The following SLC45A2 variants were observed in gnomAD, a reference collection of about 807,000 sequenced individuals.
SLC45A2 encodes the protein membrane-associated transporter protein.
A neutral mutation model predicts 45.5 loss-of-function variants in SLC45A2; 36 were observed. The observed-to-expected ratio is 0.79, with a 90% CI of 0.61 to 1.04. The LOEUF (loss-of-function observed/expected upper bound fraction) is 1.04, where lower values mean the gene tolerates loss of function less well. Among genes scored for constraint, SLC45A2 ranks in the 50% least tolerant of loss-of-function variants. The pLI is 0.00. For missense variants in SLC45A2, 719 were observed against 671.0 expected (o/e 1.07, Z -0.79); for synonymous variants, 306 against 269.3 (o/e 1.14, Z -1.33).
intron 6 of SLC45A2, among the ~76,000 whole-genome samples, chr5:33,945,523 G>T (rs1358430717): frequency 6.6e-6 from 1 of 150,522 alleles, no homozygotes; most frequent in South Asian, 2.1e-4. Context: ...GTTGGGTATC[G>T]CTTATGTGCT....
chr5:33,968,115 TG>T, intron 2 of SLC45A2, among the ~76,000 whole-genome samples: 1 of 152,210 alleles, frequency 6.6e-6, no homozygotes, highest in East Asian at 1.9e-4. Context: ...ATTAAGACAC[TG>T]GAAAAAAATA....
chr5:33,981,242 C>T (rs1220091610), intron 2 of SLC45A2, among the ~76,000 whole-genome samples: 1 of 152,224 alleles, frequency 6.6e-6, no homozygotes, highest in East Asian at 1.9e-4. Context: ...AACGGCCTCA[C>T]TCCTTCATGT....
At position 33,984,443 on chromosome 5, in the gene SLC45A2, G is replaced by T. The variant is rs1753184180; in HGVS notation, c.141C>A (p.Phe47Leu). The stretch of plus-strand genomic sequence containing the variant: ...CATACGCTGCCTCCACCGCGTAGCA[G>T]AACTCTCTTCCGAACATGGCCATGC... ...MHSMAMFGRE[F>L]CYAVEAAYVT... is the part of the protein sequence containing the mutation. The change falls in exon 1 of 7, where the codon TTC becomes TTA. Residue 47 changes from phenylalanine (F) to leucine (L), a missense_variant. Physicochemically the swap from Phe to Leu is conservative, Grantham distance 22. Transcript: ENST00000296589. The T allele has an allele frequency of 1.9e-6, 3 of 1,613,878 alleles. No individual in the cohort carries two copies. Among genetic ancestry groups the T allele is most frequent in the Non-Finnish European group, 2.5e-6 (3 of 1,179,986 alleles).
chr5:33,961,739 T>C (rs1438006787), intron 3 of SLC45A2, among the ~76,000 whole-genome samples: 1 of 152,222 alleles, frequency 6.6e-6, no homozygotes, highest in Admixed American at 6.5e-5. Flanking sequence ...GCTGCCTCTC[T>C]GGATCCACTG....
chr5:33,978,359 T>C (rs116504763), intron 2 of SLC45A2, among the ~76,000 whole-genome samples: 3,646 of 152,292 alleles, frequency 0.024, 155 homozygotes, highest in African/African-American at 0.083. Context: ...TATCTTGGAA[T>C]GGCCCTGCAA....
At chr5:33,966,520 A>G (rs1307847038) in intron 2 of SLC45A2, among the ~76,000 whole-genome samples, 1 of 145,548 alleles carries the variant, frequency 6.9e-6, no homozygotes, top group Non-Finnish European at 1.5e-5. Context: ...GGCTCACTGC[A>G]AGCTCCGCTT....
chr5:33,952,797 C>T (rs1752153304), intron 4 of SLC45A2, among the ~76,000 whole-genome samples: 1 of 137,014 alleles, frequency 7.3e-6, no homozygotes, highest in African/African-American at 2.8e-5. Flanking sequence ...CACCCACTAA[C>T]ATGTCATCTA....
intron 2 of SLC45A2, among the ~76,000 whole-genome samples, chr5:33,968,673 T>C (rs1023505159): frequency 6.6e-6 from 1 of 152,208 alleles, no homozygotes; most frequent in Non-Finnish European, 1.5e-5. Context: ...AATGGGAAAT[T>C]GGTAAACTGT....
intron 1 of SLC45A2, 136 bp downstream of exon 1, chr5:33,984,063 G>C: frequency 8.1e-7 from 1 of 1,241,296 alleles, no homozygotes; most frequent in South Asian, 1.3e-5. Context: ...TTGTCAAAGG[G>C]GAAGTTCATT....
In SLC45A2 at chr5:33,984,221, G is replaced by A. The variant is rs1753168169; in HGVS notation, c.363C>T (p.Leu121=). Reference sequence around the variant, plus strand: ...TACCTGCTACAACAGTAGCCCCATTGAGGTACAGAGCCATGCCCACGAGCA... The same window carrying A: ...TACCTGCTACAACAGTAGCCCCATTAAGGTACAGAGCCATGCCCACGAGCA... ...VMMLVGMALY[L]NGATVVAALI... The change falls in exon 1 of 7, where the codon CTC becomes CTT. Residue 121 remains leucine (L), a synonymous_variant. Transcript: ENST00000296589. 1.2e-6 allele frequency: 2 copies of A among 1,614,076 alleles called. No homozygotes were observed. Among genetic ancestry groups the A allele is most frequent in the Non-Finnish European group, 8.5e-7 (1 of 1,180,014 alleles).
At chr5:33,945,281 G>A (rs188385594) in intron 6 of SLC45A2, among the ~76,000 whole-genome samples, 28 of 152,098 alleles carry the variant, frequency 1.8e-4, no homozygotes, top group Non-Finnish European at 2.9e-4. Context: ...AACAAGTGGC[G>A]GGCCATAATC....
chr5:33,983,897 T>C (rs1216259852), intron 1 of SLC45A2, among the ~76,000 whole-genome samples: 1 of 152,242 alleles, frequency 6.6e-6, no homozygotes, highest in Non-Finnish European at 1.5e-5. Flanking sequence ...ACTCAATTGA[T>C]AAATATGTAA....
At chr5:33,976,890 T>A (rs1294639316) in intron 2 of SLC45A2, among the ~76,000 whole-genome samples, 2 of 152,206 alleles carry the variant, frequency 1.3e-5, no homozygotes, top group African/African-American at 4.8e-5. Flanking sequence ...CTTCAGGAGC[T>A]GGACTCAGCG....
chr5:33,957,493 A>T (rs1367834649), intron 3 of SLC45A2, among the ~76,000 whole-genome samples: 2 of 152,122 alleles, frequency 1.3e-5, no homozygotes, highest in Non-Finnish European at 2.9e-5. Context: ...CCATAACTAT[A>T]CTCATTTTCT....
chr5:33,958,762 G>T (rs1021749286), intron 3 of SLC45A2, among the ~76,000 whole-genome samples: 1 of 152,012 alleles, frequency 6.6e-6, no homozygotes, highest in Admixed American at 6.6e-5. Flanking sequence ...AAAGTTCGTT[G>T]TATCTGTTGT....
intron 2 of SLC45A2, chr5:33,972,073 T>C (rs1490764710): frequency 2.0e-6 from 1 of 499,706 alleles, no homozygotes; most frequent in East Asian, 5.8e-5. Flanking sequence ...TTGTATCTAG[T>C]TCTATTGTAG....
chr5:33,969,296 A>C (rs1482828899), intron 2 of SLC45A2, among the ~76,000 whole-genome samples: 1 of 151,886 alleles, frequency 6.6e-6, no homozygotes, highest in Non-Finnish European at 1.5e-5. Flanking sequence ...TTTTAAATTA[A>C]AATAAAAAAA....
intron 5 of SLC45A2, among the ~76,000 whole-genome samples, chr5:33,950,822 G>C (rs1222870612): frequency 6.6e-6 from 1 of 152,282 alleles, no homozygotes; most frequent in Non-Finnish European, 1.5e-5. Context: ...ATAATTAGGA[G>C]AACTGCATAC....
intron 2 of SLC45A2, among the ~76,000 whole-genome samples, chr5:33,966,702 T>C (rs1414326911): frequency 6.6e-6 from 1 of 152,180 alleles, no homozygotes; most frequent in African/African-American, 2.4e-5. Flanking sequence ...TAGTTAATAG[T>C]AACAAGGTGA....
Sources: allele counts gnomAD v4.1 joint callset (sites outside exome capture counted in the v4.1 genomes callset), GRCh38; gene constraint gnomAD v4.1.1; transcripts MANE v1.5; gene names NCBI Gene and HGNC (gene_info 2026-07-23, HGNC 2026-07-21).